HPRT1: variants seen among roughly 807,000 people sequenced by gnomAD.
HPRT1 encodes the protein hypoxanthine phosphoribosyltransferase 1, also known as hypoxanthine-guanine phosphoribosyltransferase.
In HPRT1, 4 loss-of-function variants were observed where a neutral mutation model predicts 19.0. That is an observed-to-expected ratio of 0.21 (90% CI 0.10 to 0.48). HPRT1 has a LOEUF of 0.48. HPRT1 is among the 20% of genes least tolerant of loss of function. HPRT1 has a pLI of 0.98. For synonymous variants in HPRT1, 53 were observed against 54.9 expected, an observed-to-expected ratio of 0.97 and a Z score of 0.15; for missense variants, 65 against 164.0, an observed-to-expected ratio of 0.40 and a Z score of 3.30.
chrX:134,466,191 G>A (rs1299572260), intron 1 of HPRT1, among the ~76,000 whole-genome samples: 1 of 110,529 alleles, frequency 9.0e-6, no homozygotes, highest in Non-Finnish European at 1.9e-5. Flanking sequence ...AGGCCAAGGT[G>A]GGTGGATCAC....
intron 1 of HPRT1, 103 bp downstream of exon 1, chrX:134,460,441 G>A (rs1456510622): frequency 2.9e-6 from 2 of 689,283 alleles, no homozygotes; most frequent in African/African-American, 2.3e-5. Flanking sequence ...GGGCGGCCGG[G>A]CCCAGGGAAC....
intron 1 of HPRT1, 71 bp from the exon 2 acceptor site, chrX:134,473,288 T>A (rs760675652): frequency 1.5e-6 from 1 of 681,952 alleles, no homozygotes; most frequent in Non-Finnish European, 2.4e-6. Flanking sequence ...GGTTATTTTT[T>A]AACATCTTAA....
chrX:134,490,718 C>T (rs916879400), intron 5 of HPRT1, among the ~76,000 whole-genome samples: 2 of 106,946 alleles, frequency 1.9e-5, no homozygotes, highest in African/African-American at 3.4e-5. Flanking sequence ...AAATGTGGTT[C>T]CCTAGACCAA....
chrX:134,487,816 C>T (rs1042105970), intron 4 of HPRT1, among the ~76,000 whole-genome samples: 4 of 111,796 alleles, frequency 3.6e-5, no homozygotes, highest in Admixed American at 2.9e-4. Context: ...ACTGTTAGAC[C>T]TGTCCTTCCC....
At chrX:134,495,896 G>A (rs2077679223) in intron 6 of HPRT1, among the ~76,000 whole-genome samples, 1 of 112,202 alleles carries the variant, frequency 8.9e-6, no homozygotes, top group Non-Finnish European at 1.9e-5. Flanking sequence ...ACTTAGCATA[G>A]TGTTTTCAAG....
chrX:134,485,768 T>C (rs1017568135), intron 3 of HPRT1, among the ~76,000 whole-genome samples: 7 of 112,033 alleles, frequency 6.2e-5, no homozygotes, highest in African/African-American at 9.7e-5. Flanking sequence ...GTTCACCTGC[T>C]CTTTCACCCA....
intron 4 of HPRT1, 24 bp downstream of exon 4, chrX:134,486,554 A>G: frequency 5.3e-6 from 5 of 944,388 alleles, no homozygotes; most frequent in Non-Finnish European, 7.6e-6. Flanking sequence ...AAGGGAAGAA[A>G]AAAAAGCACT....
chrX:134,499,452 T>G (rs1457585220), intron 8 of HPRT1, among the ~76,000 whole-genome samples: 10 of 109,852 alleles, frequency 9.1e-5, no homozygotes. Context: ...CACTCCAGCC[T>G]GGGTGACAGA....
chrX:134,488,282 C>T (rs780692542), intron 4 of HPRT1, among the ~76,000 whole-genome samples: 3 of 109,807 alleles, frequency 2.7e-5, no homozygotes, highest in East Asian at 5.7e-4. Flanking sequence ...GGATTACAGG[C>T]GCACGCCACC....
intron 3 of HPRT1, among the ~76,000 whole-genome samples, chrX:134,477,519 A>T (rs949141920): frequency 6.3e-5 from 7 of 111,186 alleles, no homozygotes; most frequent in African/African-American, 2.3e-4. Flanking sequence ...AGCTCTTCTG[A>T]TAATATCTCT....
intron 5 of HPRT1, among the ~76,000 whole-genome samples, chrX:134,491,915 G>A (rs2077667480): frequency 9.9e-6 from 1 of 101,326 alleles, no homozygotes; most frequent in Non-Finnish European, 2.0e-5. Context: ...GTGTGTGTGT[G>A]TGTATGTATG....
intron 4 of HPRT1, among the ~76,000 whole-genome samples, chrX:134,488,135 T>TTTTA (rs923826389): frequency 9.0e-6 from 1 of 111,172 alleles, no homozygotes; most frequent in Non-Finnish European, 1.9e-5. Flanking sequence ...TTTCATTGTA[T>TTTTA]TTTATTTATT....
intron 1 of HPRT1, 90 bp downstream of exon 1, chrX:134,460,428 C>A: frequency 1.3e-6 from 1 of 782,815 alleles, no homozygotes; most frequent in Non-Finnish European, 1.6e-6. Context: ...GCAGTGCGGG[C>A]TCGGGCGGCC....
intron 3 of HPRT1, among the ~76,000 whole-genome samples, chrX:134,476,478 A>G (rs573784363): frequency 8.9e-6 from 1 of 112,232 alleles, no homozygotes; most frequent in South Asian, 3.6e-4. Flanking sequence ...TGATTGATTG[A>G]TTGATTGATT....
chrX:134,477,015 GTTTATTTTA>G (rs2077626864), intron 3 of HPRT1, among the ~76,000 whole-genome samples: 2 of 97,699 alleles, frequency 2.0e-5, no homozygotes, highest in South Asian at 9.3e-4. Context: ...TTATTGATAT[GTTTATTTTA>G]TTTTATTTTA....
In HPRT1 at chrX:134,471,213, GA is replaced by G. The variant is rs780543232; in HGVS notation, c.28-2139del. Among the ~76,000 whole-genome samples the G allele has an allele frequency of 5.5e-4, 61 of 111,021 alleles. No individual in the cohort carries two copies. In the Middle Eastern group the frequency reaches 0.014, roughly 26 times the overall value. ...TTTTTAAAAGTGATATATATTCATT[GA>G]AAAAAATTTAGAATATATAGCAAAG... On this transcript the variant is annotated intron_variant, in intron 1 of 8. Transcript: ENST00000298556.
chrX:134,496,978 T>A lies in HPRT1; in HGVS notation c.486-1412T>A, dbSNP rs761014206. Among the ~76,000 whole-genome samples, 49 of 112,249 alleles carry A rather than the reference T, an allele frequency of 4.4e-4. 1 individual carries two copies. The highest frequency in any genetic ancestry group is 7.3e-4 in the South Asian group (2 of 2,743). ...GACTGCCTTTAACATCTGTAAAGGC[T>A]TTCAAAGCAGCTTCTGTAGTTTTTT... On this transcript the variant is annotated intron_variant, in intron 6 of 8. Transcript: ENST00000298556.
chrX:134,461,813 G>T (rs1285010433), intron 1 of HPRT1, among the ~76,000 whole-genome samples: 1 of 111,930 alleles, frequency 8.9e-6, no homozygotes, highest in Non-Finnish European at 1.9e-5. Context: ...AAGAGAAGGA[G>T]CTCTGTCTCG....
rs1480274172 is a variant in HPRT1, at chrX:134,500,346, T to C, written c.*269T>C. Reference sequence around the variant, plus strand: ...AAAATTCTCTTAAACCACAGCACTATTGAGTGAAACATTGAACTCATATCT... The same window carrying C: ...AAAATTCTCTTAAACCACAGCACTACTGAGTGAAACATTGAACTCATATCT... On this transcript the variant is annotated 3_prime_UTR_variant, in exon 9 of 9. Transcript: ENST00000298556. 1.6e-5 allele frequency: 5 copies of C among 314,282 alleles called. No individual in the cohort carries two copies. The South Asian group carries it at 2.4e-4, about 15-fold the overall frequency. 25.9% of individuals were successfully genotyped at this position (314,282 alleles called of 1,213,427 possible).
Sources: allele counts gnomAD v4.1 joint callset (sites outside exome capture counted in the v4.1 genomes callset), GRCh38; gene constraint gnomAD v4.1.1; transcripts MANE v1.5; gene names NCBI Gene and HGNC (gene_info 2026-07-23, HGNC 2026-07-21).